The following GPC3 variants were observed in gnomAD, a reference collection of about 807,000 sequenced individuals.
GPC3 encodes glypican-3.
GPC3 carries 3 observed loss-of-function variants against 34.4 expected under a neutral mutation model. The ratio of observed to expected loss-of-function variants is 0.09; its 90% CI spans 0.04 to 0.23. The LOEUF (loss-of-function observed/expected upper bound fraction) is 0.23, where lower values mean the gene tolerates loss of function less well. Ranked by LOEUF, GPC3 falls within the 10% of genes least tolerant of loss-of-function variation. The probability of loss-of-function intolerance (pLI) is 1.00; values close to 1 mark genes in which losing one functional copy is unlikely to be tolerated. For missense variants in GPC3, 351 were observed against 445.6 expected, an observed-to-expected ratio of 0.79 and a Z score of 1.91; for synonymous variants, 177 against 174.0, an observed-to-expected ratio of 1.02 and a Z score of -0.13.
At chrX:133,622,615 GA>G (rs1406913888) in intron 6 of GPC3, among the ~76,000 whole-genome samples, 1 of 111,692 alleles carries the variant, frequency 9.0e-6, no homozygotes, top group African/African-American at 3.3e-5. Context: ...GAAGTTTAGA[GA>G]AAAAAGAGTA....
chrX:133,903,724 G>T (rs1203962372), intron 2 of GPC3, among the ~76,000 whole-genome samples: 1 of 112,491 alleles, frequency 8.9e-6, no homozygotes, highest in Non-Finnish European at 1.9e-5. Context: ...GGGGAATACT[G>T]TTAGGAGCCA....
intron 2 of GPC3, among the ~76,000 whole-genome samples, chrX:133,852,517 G>A (rs772352250): frequency 8.0e-5 from 9 of 112,002 alleles, no homozygotes; most frequent in Non-Finnish European, 1.1e-4. Context: ...CATTCTAAAC[G>A]TTTAAAATCC....
At chrX:133,607,111 A>T in intron 6 of GPC3, among the ~76,000 whole-genome samples, 1 of 110,530 alleles carries the variant, frequency 9.0e-6, no homozygotes, top group South Asian at 3.9e-4. Flanking sequence ...TCTATATGGG[A>T]CCCCTGTGAG....
intron 2 of GPC3, among the ~76,000 whole-genome samples, chrX:133,843,406 G>A (rs1415612507): frequency 9.0e-6 from 1 of 111,175 alleles, no homozygotes; most frequent in Non-Finnish European, 1.9e-5. Context: ...TCCCACTTTT[G>A]CCATGTGATG....
chrX:133,641,015 C>T (rs1250302018), intron 6 of GPC3, among the ~76,000 whole-genome samples: 1 of 102,523 alleles, frequency 9.8e-6, no homozygotes, highest in Non-Finnish European at 2.0e-5. Flanking sequence ...TTTAGTTTAG[C>T]TTTTTTTTTT....
intron 1 of GPC3, among the ~76,000 whole-genome samples, chrX:133,975,858 A>G (rs754168702): frequency 1.8e-5 from 2 of 112,381 alleles, no homozygotes; most frequent in African/African-American, 3.2e-5. Flanking sequence ...TCCAAAACAG[A>G]TAACTGTGGT....
intron 6 of GPC3, among the ~76,000 whole-genome samples, chrX:133,641,949 T>G (rs1347811115): frequency 3.6e-5 from 4 of 112,103 alleles, no homozygotes; most frequent in African/African-American, 1.3e-4. Flanking sequence ...CTTTGAGAGA[T>G]TAGAGCTGTC....
chrX:133,611,950 A>T (rs1157849362), intron 6 of GPC3, among the ~76,000 whole-genome samples: 1 of 112,159 alleles, frequency 8.9e-6, no homozygotes, highest in African/African-American at 3.2e-5. Flanking sequence ...CAATGAAGAG[A>T]CCTTTTGCCA....
intron 1 of GPC3, among the ~76,000 whole-genome samples, chrX:133,968,405 G>A (rs761425888): frequency 3.1e-4 from 35 of 112,543 alleles, no homozygotes; most frequent in African/African-American, 1.1e-3. Context: ...CATCACAAGA[G>A]TAATCATTAG....
chrX:133,680,639 G>A (rs1224416540), intron 5 of GPC3, among the ~76,000 whole-genome samples: 1 of 112,275 alleles, frequency 8.9e-6, no homozygotes, highest in Non-Finnish European at 1.9e-5. Flanking sequence ...GGGAAATCAT[G>A]ACTGATTTTA....
chrX:133,591,442 C>T (rs187824417), intron 7 of GPC3, among the ~76,000 whole-genome samples: 86 of 111,536 alleles, frequency 7.7e-4, no homozygotes, highest in Non-Finnish European at 1.5e-3. Context: ...CAATGAGTCT[C>T]CTCTCCATGA....
At chrX:133,611,362 T>C (rs2070110730) in intron 6 of GPC3, among the ~76,000 whole-genome samples, 1 of 111,396 alleles carries the variant, frequency 9.0e-6, no homozygotes, top group African/African-American at 3.3e-5. Context: ...GGAAATGTAG[T>C]GGAATAAAAC....
At chrX:133,554,792 G>A (rs548821565) in intron 7 of GPC3, among the ~76,000 whole-genome samples, 78 of 112,125 alleles carry the variant, frequency 7.0e-4, no homozygotes, top group African/African-American at 2.3e-3. Context: ...GGCTACCAGC[G>A]TCAGGAATAA....
intron 6 of GPC3, among the ~76,000 whole-genome samples, chrX:133,658,341 T>C (rs1326758601): frequency 8.9e-6 from 1 of 112,443 alleles, no homozygotes; most frequent in Non-Finnish European, 1.9e-5. Context: ...AGAGTAATAA[T>C]GAGTTCTTGA....
At chrX:133,655,480 ACACACACACACACACACACACACACC>A (rs1569406896) in intron 6 of GPC3, among the ~76,000 whole-genome samples, 1 of 100,637 alleles carries the variant, frequency 9.9e-6, no homozygotes, top group African/African-American at 4.3e-5. Context: ...ACACACCCAC[ACACACACACACACACACACACACACC>A]CACACACACA....
chrX:133,753,914 T>A lies in GPC3; in HGVS notation c.600A>T (p.Gly200=). 8.3e-7 allele frequency: 1 copy of A among 1,211,554 alleles called. No individual in the cohort carries two copies. Among genetic ancestry groups the A allele is most frequent in the Non-Finnish European group, 1.1e-6 (1 of 895,338 alleles). Residue 200 remains glycine, a synonymous_variant, in exon 3 of 8, where the codon GGA becomes GGT. Coordinates refer to ENST00000370818, the MANE Select transcript of GPC3 (RefSeq NM_004484.4). ...SALDINECLR[G]ARRDLKVFGN... ...CAAATACTTTCAGGTCACGTCTTGC[T>A]CCTCGGAGGCACTCATTGATGTCCA...
chrX:133,562,635 GA>G (rs999704369), intron 7 of GPC3, among the ~76,000 whole-genome samples: 16 of 105,367 alleles, frequency 1.5e-4, no homozygotes, highest in African/African-American at 4.5e-4. Context: ...GGTGTCAAAA[GA>G]AAAAAAAAAG....
At chrX:133,538,361 C>T (rs1028086704) in intron 7 of GPC3, among the ~76,000 whole-genome samples, 2 of 111,661 alleles carry the variant, frequency 1.8e-5, no homozygotes, top group African/African-American at 6.5e-5. Context: ...CCTTGGTTCT[C>T]ACAGCAACTT....
At chrX:133,687,092 ATTTTTTTT>A (rs775110101) in intron 5 of GPC3, among the ~76,000 whole-genome samples, 2 of 69,280 alleles carry the variant, frequency 2.9e-5, no homozygotes, top group African/African-American at 7.9e-5. Flanking sequence ...TGGCCGGCTA[ATTTTTTTT>A]TTTTTTTTTT....
Sources: gnomAD v4.1 joint callset for allele counts (sites outside exome capture counted in the v4.1 genomes callset) on GRCh38, gnomAD v4.1.1 for gene constraint, MANE v1.5 for transcripts, NCBI Gene and HGNC (gene_info 2026-07-23, HGNC 2026-07-21) for gene names.